SLC9D1: variants seen among roughly 807,000 people sequenced by gnomAD.
SLC9D1 encodes putative LAG1-interacting protein.
At chr13:113,494,179 G>A in the SLC9D1 span, among the ~76,000 whole-genome samples, 1 of 152,196 alleles carries the variant, frequency 6.6e-6, no homozygotes, top group Middle Eastern at 3.2e-3. Context: ...TATGAAGAAT[G>A]GTTAGGTTAA....
chr13:113,500,252 G>A, the SLC9D1 span: 2 of 656,982 alleles, frequency 3.0e-6, no homozygotes, highest in Admixed American at 3.7e-5. Flanking sequence ...CTTCCTTCTA[G>A]CAGAGATTTT....
the SLC9D1 span, among the ~76,000 whole-genome samples, chr13:113,502,189 T>C: frequency 6.6e-6 from 1 of 152,138 alleles, no homozygotes; most frequent in Non-Finnish European, 1.5e-5. Flanking sequence ...GTAACCAAAG[T>C]GTTGCATTAA....
chr13:113,540,700 A>G, the SLC9D1 span, among the ~76,000 whole-genome samples: 1 of 152,156 alleles, frequency 6.6e-6, no homozygotes, highest in African/African-American at 2.4e-5. Flanking sequence ...CCCTGCTGAG[A>G]GCTGCTTTGC....
At chr13:113,500,252 G>GTAAAAT in the SLC9D1 span, 1 of 657,100 alleles carries the variant, frequency 1.5e-6, no homozygotes, top group Non-Finnish European at 2.3e-6. Flanking sequence ...CTTCCTTCTA[G>GTAAAAT]CAGAGATTTT....
the SLC9D1 span, among the ~76,000 whole-genome samples, chr13:113,539,003 C>T: frequency 1.8e-4 from 28 of 152,242 alleles, no homozygotes; most frequent in African/African-American, 6.3e-4. The surrounding 1 kb of genome is among the most constrained non-coding windows in gnomAD (Gnocchi z 4.8). Context: ...GAATGCGTTT[C>T]TAACACTCCC....
chr13:113,534,994 A>G, the SLC9D1 span: 4 of 149,350 alleles, frequency 2.7e-5, no homozygotes, highest in Non-Finnish European at 4.4e-5. Flanking sequence ...GAGGCAGGAG[A>G]ATGGCGTGAA....
the SLC9D1 span, chr13:113,520,818 A>G: frequency 6.9e-6 from 7 of 1,018,378 alleles, no homozygotes; most frequent in African/African-American, 7.9e-5. Flanking sequence ...TTCCAAAGAG[A>G]TGTTCTGAGC....
At chr13:113,499,876 A>G in the SLC9D1 span, 1 of 777,214 alleles carries the variant, frequency 1.3e-6, no homozygotes, top group African/African-American at 1.8e-5. Context: ...TGTATTTTTA[A>G]CATTCTTCTG....
chr13:113,544,086 C>T, the SLC9D1 span, among the ~76,000 whole-genome samples: 24 of 152,248 alleles, frequency 1.6e-4, no homozygotes, highest in African/African-American at 5.1e-4. Flanking sequence ...GGCAGAAACC[C>T]GGGTGGAGCT....
At chr13:113,527,245 A>C in the SLC9D1 span, 9 of 152,332 alleles carry the variant, frequency 5.9e-5, no homozygotes, top group African/African-American at 2.2e-4. Context: ...TCTTCTTCTC[A>C]TACCTGTTTT....
the SLC9D1 span, chr13:113,504,692 T>C: frequency 3.3e-5 from 5 of 152,258 alleles, no homozygotes; most frequent in African/African-American, 1.2e-4. Flanking sequence ...CTGAGTAGTA[T>C]TCCATGGTAT....
At chr13:113,548,509 TTGAGTCGGGTG>T in the SLC9D1 span, 1 of 1,552,768 alleles carries the variant, frequency 6.4e-7, no homozygotes, top group Non-Finnish European at 8.7e-7. Flanking sequence ...CACTCTGGGT[TTGAGTCGGGTG>T]TGGCGAAGGC....
At chr13:113,493,436 C>CGTTGGACCAA in the SLC9D1 span, among the ~76,000 whole-genome samples, 1 of 152,028 alleles carries the variant, frequency 6.6e-6, no homozygotes. Context: ...TATTTAGCTC[C>CGTTGGACCAA]GTTGGACCAA....
the SLC9D1 span, among the ~76,000 whole-genome samples, chr13:113,521,046 A>G: frequency 6.6e-6 from 1 of 152,200 alleles, no homozygotes; most frequent in Non-Finnish European, 1.5e-5. Context: ...AACAATGTCC[A>G]GAACGTAATA....
the SLC9D1 span, chr13:113,539,620 T>A: frequency 8.5e-7 from 1 of 1,176,810 alleles, no homozygotes; most frequent in Non-Finnish European, 1.2e-6. This position sits in a 1 kb window ranked among gnomAD's most constrained non-coding sequence, Gnocchi z 4.8. Context: ...TCTTAAAAAT[T>A]AAGTGTATTC....
the SLC9D1 span, among the ~76,000 whole-genome samples, chr13:113,517,465 T>G: frequency 6.6e-6 from 1 of 152,174 alleles, no homozygotes; most frequent in South Asian, 2.1e-4. Flanking sequence ...CCTGACCTCG[T>G]GATCCGCCCG....
At chr13:113,537,883 G>A in the SLC9D1 span, among the ~76,000 whole-genome samples, 1 of 147,368 alleles carries the variant, frequency 6.8e-6, no homozygotes, top group Non-Finnish European at 1.5e-5. Flanking sequence ...CAAAAACCAA[G>A]TAGCCGTGTG....
At chr13:113,527,980 T>C in the SLC9D1 span, 1 of 152,324 alleles carries the variant, frequency 6.6e-6, no homozygotes, top group South Asian at 2.1e-4. Context: ...ATTTTTTTAG[T>C]TGTATAATTT....
At chr13:113,537,858 A>G in the SLC9D1 span, among the ~76,000 whole-genome samples, 16 of 152,060 alleles carry the variant, frequency 1.1e-4, no homozygotes, top group Non-Finnish European at 1.8e-4. Context: ...CCCCCCTTCT[A>G]TAGCATCACC....
Sources: gnomAD v4.1 joint callset for allele counts (sites outside exome capture counted in the v4.1 genomes callset) on GRCh38, gnomAD v4.1.1 for gene constraint, Gnocchi (gnomAD v3.1) non-coding constraint, MANE v1.5 for transcripts, NCBI Gene and HGNC (gene_info 2026-07-23, HGNC 2026-07-21) for gene names.